ATP23: variants seen among roughly 807,000 people sequenced by gnomAD.
ATP23 encodes the protein ATP23 metallopeptidase and ATP synthase assembly factor homolog, also known as mitochondrial inner membrane protease ATP23 homolog.
Under a neutral mutation model 28.5 loss-of-function variants are expected in ATP23, and 24 were observed. The observed-to-expected ratio is 0.84, with a 90% CI of 0.61 to 1.18. The LOEUF (loss-of-function observed/expected upper bound fraction) is 1.18, where lower values mean the gene tolerates loss of function less well. Ranked by LOEUF, ATP23 falls within the 50% of genes most tolerant of loss-of-function variation. ATP23 has a pLI of 0.00. For missense variants in ATP23, 274 were observed against 306.4 expected, an observed-to-expected ratio of 0.89 and a Z score of 0.79; for synonymous variants, 99 against 108.6, an observed-to-expected ratio of 0.91 and a Z score of 0.55.
At chr12:57,948,215 T>G (rs1956780766) in intron 3 of ATP23, among the ~76,000 whole-genome samples, 1 of 152,176 alleles carries the variant, frequency 6.6e-6, no homozygotes, top group African/African-American at 2.4e-5. Flanking sequence ...ATCTTGAACT[T>G]TCATCCTAAT....
At chr12:57,945,440 C>T (rs1956750946) in intron 1 of ATP23, among the ~76,000 whole-genome samples, 188 bp from the exon 2 acceptor site, 1 of 152,044 alleles carries the variant, frequency 6.6e-6, no homozygotes, top group African/African-American at 2.4e-5. Flanking sequence ...CCATGTTGGT[C>T]AGGCTGGGCT....
intron 5 of ATP23, among the ~76,000 whole-genome samples, chr12:57,956,349 T>C (rs1410197008): frequency 6.6e-6 from 1 of 151,150 alleles, no homozygotes; most frequent in Non-Finnish European, 1.5e-5. Context: ...CAGGACTTTA[T>C]AGACTTTTTT....
At chr12:57,942,953 G>A (rs1361988443) in intron 1 of ATP23, among the ~76,000 whole-genome samples, 1 of 152,096 alleles carries the variant, frequency 6.6e-6, no homozygotes, top group Non-Finnish European at 1.5e-5. Flanking sequence ...CAGAAAATTA[G>A]TCTTAAACAT....
rs1436414452 is a variant in ATP23, at chr12:57,941,774, T to TG, written c.74dup (p.Cys25TrpfsTer31). 1.2e-6 allele frequency: 2 copies of TG among 1,602,942 alleles called. No homozygotes were observed. The highest frequency in any genetic ancestry group is 1.7e-6 in the Non-Finnish European group (2 of 1,175,272). On this transcript the variant is annotated frameshift_variant, in exon 1 of 6. Transcript: ENST00000300145. LOFTEE classifies it high-confidence loss of function. ...GCAGCTGCAGCAGCAACACGTCTCT[T>TG]GCCAGGTCTTCCCCGAGCGTCTGGC...
intron 2 of ATP23, among the ~76,000 whole-genome samples, chr12:57,946,551 G>A (rs773804584): frequency 8.3e-5 from 12 of 144,588 alleles, no homozygotes; most frequent in East Asian, 2.1e-4. Context: ...TCCGCCTCCC[G>A]GGTTCAAGAG....
At chr12:57,952,547 C>A (rs550001655) in intron 4 of ATP23, among the ~76,000 whole-genome samples, 1 of 152,082 alleles carries the variant, frequency 6.6e-6, no homozygotes, top group Non-Finnish European at 1.5e-5. Flanking sequence ...CTAGAGAGAG[C>A]GTATTCTGCA....
chr12:57,947,406 A>G (rs1190272257), intron 3 of ATP23, among the ~76,000 whole-genome samples: 1 of 152,210 alleles, frequency 6.6e-6, no homozygotes, highest in Non-Finnish European at 1.5e-5. Flanking sequence ...CCTTAGGGGC[A>G]GAGCAGGGAC....
At chr12:57,944,550 G>C (rs1181624875) in intron 1 of ATP23, among the ~76,000 whole-genome samples, 1 of 152,230 alleles carries the variant, frequency 6.6e-6, no homozygotes, top group African/African-American at 2.4e-5. Flanking sequence ...TTGCTGGCCA[G>C]ATACTCTACA....
rs1298453633 is a variant in ATP23, at chr12:57,958,916, G to T, written c.*2026G>T. Among the ~76,000 whole-genome samples, 1 of 152,200 alleles carries T rather than the reference G, an allele frequency of 6.6e-6. No individual in the cohort carries two copies. Among genetic ancestry groups the T allele is most frequent in the Non-Finnish European group, 1.5e-5 (1 of 68,042 alleles). ...CCTGATTTACCTGAAAAAGAATTCA[G>T]GAGGTTAGTTATTAAGCTAATCAGG... is the stretch of plus-strand genomic sequence containing the variant. On this transcript the variant is annotated 3_prime_UTR_variant, in exon 6 of 6. Coordinates refer to ENST00000300145, the MANE Select transcript of ATP23 (RefSeq NM_033276.4).
chr12:57,950,513 G>C (rs563171611), intron 3 of ATP23, among the ~76,000 whole-genome samples: 109 of 150,798 alleles, frequency 7.2e-4, no homozygotes, highest in African/African-American at 2.4e-3. Context: ...AGTAGGTCAG[G>C]CATTCTTTCT....
chr12:57,949,675 T>C (rs1458396677), intron 3 of ATP23: 1 of 152,186 alleles, frequency 6.6e-6, no homozygotes, highest in Non-Finnish European at 1.5e-5. Context: ...TAAAATTTTT[T>C]GTAGAGATGA....
rs369316315 is a variant in ATP23 at position 57,946,446 on chromosome 12, ATTT to A, written c.234-527_234-525del. ...AATATGGCCATAATCAGTTGAACAA[ATTT>A]TTTTTTTTTTTTTTTTTTTTTGAGA... On this transcript the variant is annotated intron_variant, in intron 2 of 5. Transcript: ENST00000300145. Among the ~76,000 whole-genome samples the A allele has an allele frequency of 7.2e-3, 747 of 104,018 alleles. 10 individuals are homozygous for A. Among genetic ancestry groups the A allele is most frequent in the African/African-American group, 0.026 (669 of 26,140 alleles). The allele number at this position is 104,018 out of a possible 152,430, so 68.2% of individuals were successfully genotyped here.
In ATP23 at chr12:57,941,750, C is replaced by A; in HGVS notation, c.49C>A (p.Gln17Lys). ...CCGGCGGGGCCCCGCGGCAGGGGAG[C>A]AGCTGCAGCAGCAACACGTCTCTTG... is the stretch of plus-strand genomic sequence containing the variant. ...ERRRGPAAGE[Q>K]LQQQHVSCQV... The change falls in exon 1 of 6, where the codon CAG (glutamine) becomes AAG (lysine). Residue 17 changes from glutamine (Q) to lysine (K), a missense_variant. Transcript: ENST00000300145. 1 of 1,596,466 alleles carries A rather than the reference C, an allele frequency of 6.3e-7. No individual in the cohort carries two copies. Among genetic ancestry groups the A allele is most frequent in the Non-Finnish European group, 8.5e-7 (1 of 1,172,542 alleles).
chr12:57,947,658 C>T (rs1001849256), intron 3 of ATP23, among the ~76,000 whole-genome samples: 1 of 152,114 alleles, frequency 6.6e-6, no homozygotes, highest in African/African-American at 2.4e-5. Context: ...GTTTTCTAAT[C>T]TGTACAATTT....
intron 3 of ATP23, among the ~76,000 whole-genome samples, chr12:57,950,482 G>T (rs1956804358): frequency 6.6e-6 from 1 of 151,130 alleles, no homozygotes; most frequent in African/African-American, 2.4e-5. Context: ...CTTCCACAGA[G>T]AAACCTTCCC....
intron 3 of ATP23, chr12:57,949,725 C>T (rs1956797007): frequency 6.6e-6 from 1 of 152,310 alleles, no homozygotes; most frequent in Non-Finnish European, 1.5e-5. Flanking sequence ...AAACTCCTGG[C>T]CTCAAATGAT....
Position 57,951,835 on chromosome 12 carries a change from T to G in ATP23, c.393T>G (p.Phe131Leu). The change falls in exon 4 of 6, where the codon TTT becomes TTG. Residue 131 changes from phenylalanine to leucine, a missense_variant. Transcript: ENST00000300145. ...RVVTHELIHA[F>L]DHCRAHVDWF... ...TCACACACGAGCTTATTCATGCATTTGATCATTGTCGTGCCCATGTCGACT... is the reference window on the plus strand; with the variant it reads ...TCACACACGAGCTTATTCATGCATTGGATCATTGTCGTGCCCATGTCGACT... 1 of 1,614,220 alleles carries G rather than the reference T, an allele frequency of 6.2e-7. No individual in the cohort carries two copies. The highest frequency in any genetic ancestry group is 8.5e-7 in the Non-Finnish European group (1 of 1,180,032).
rs1956883514 is a variant in ATP23, at chr12:57,957,880, C to T, written c.*990C>T. 6.6e-6 allele frequency among the ~76,000 whole-genome samples: 1 copy of T among 152,196 alleles called. No homozygotes were observed. Among genetic ancestry groups the T allele is most frequent in the Non-Finnish European group, 1.5e-5 (1 of 68,030 alleles). ...GTAACTATTTCAATGGGGCAAGAAGCCTCCCGGCCAGAACTTGGGAGAGGG... is the reference window on the plus strand; with the variant it reads ...GTAACTATTTCAATGGGGCAAGAAGTCTCCCGGCCAGAACTTGGGAGAGGG... On this transcript the variant is annotated 3_prime_UTR_variant, in exon 6 of 6. Transcript: ENST00000300145.
chr12:57,945,891 G>A (rs1956755883), intron 2 of ATP23, among the ~76,000 whole-genome samples: 1 of 148,392 alleles, frequency 6.7e-6, no homozygotes. Flanking sequence ...TGGGGATAGA[G>A]TCTCGCTCTT....
Sources: gnomAD v4.1 joint callset for allele counts (sites outside exome capture counted in the v4.1 genomes callset) on GRCh38, gnomAD v4.1.1 for gene constraint, MANE v1.5 for transcripts, NCBI Gene and HGNC (gene_info 2026-07-23, HGNC 2026-07-21) for gene names.